Variants in EXOSC3 observed in about 807,000 individuals in gnomAD.
The protein encoded by EXOSC3 is exosome complex component RRP40.
In EXOSC3, 18 loss-of-function variants were observed where a neutral mutation model predicts 25.1. The observed-to-expected ratio is 0.72, with a 90% CI of 0.50 to 1.06. The LOEUF (loss-of-function observed/expected upper bound fraction) is 1.06, where lower values mean the gene tolerates loss of function less well. Among genes scored for constraint, EXOSC3 ranks in the 50% least tolerant of loss-of-function variants. EXOSC3 has a pLI of 0.00. For synonymous variants in EXOSC3, 165 were observed against 132.2 expected, an observed-to-expected ratio of 1.25 and a Z score of -1.70; for missense variants, 382 against 350.9, an observed-to-expected ratio of 1.09 and a Z score of -0.71.
chr9:37,782,891 A>G (rs749162848), intron 2 of EXOSC3, among the ~76,000 whole-genome samples: 1 of 152,234 alleles, frequency 6.6e-6, no homozygotes, highest in Non-Finnish European at 1.5e-5. Flanking sequence ...TCAAGGCTCA[A>G]TCCAGTAAGT....
intron 2 of EXOSC3, 127 bp from the exon 3 acceptor site, chr9:37,782,264 G>C: frequency 1.1e-6 from 1 of 909,684 alleles, no homozygotes; most frequent in Non-Finnish European, 1.7e-6. Flanking sequence ...CTGCACTATA[G>C]GATTCCCACA....
rs1589060903 is a variant in EXOSC3 at position 37,784,058 on chromosome 9, AACAT to A, written c.326_329del (p.Tyr109PhefsTer3). The A allele has an allele frequency of 6.2e-7, 1 of 1,605,876 alleles. No individual in the cohort carries two copies. Among genetic ancestry groups the A allele is most frequent in the Non-Finnish European group, 8.5e-7 (1 of 1,177,226 alleles). On this transcript the variant is annotated frameshift_variant and splice_region_variant, in exon 2 of 4. Transcript: ENST00000327304. LOFTEE classifies it high-confidence loss of function. ...CAATCACATGGTCTCCTTTTACTGG[AACAT>A]ACTACAAAAAGAAACAGAATGAAAA... is the stretch of plus-strand genomic sequence containing the variant.
Position 37,784,881 on chromosome 9 carries a change from A to G in EXOSC3, c.164T>C (p.Leu55Pro). Residue 55 changes from leucine (L) to proline (P), a missense_variant, in exon 1 of 4, where the codon CTG (leucine) becomes CCG (proline). Coordinates refer to ENST00000327304, the MANE Select transcript of EXOSC3 (RefSeq NM_016042.4). ...PGGAVERPLS[L>P]NARACSRVRV... Reference sequence around the variant, plus strand: ...CACCCGCGAGCACGCTCTAGCATTCAGGCTCAACGGTCGCTCCACTGCACC... The same window carrying G: ...CACCCGCGAGCACGCTCTAGCATTCGGGCTCAACGGTCGCTCCACTGCACC... 1 of 1,606,730 alleles carries G rather than the reference A, an allele frequency of 6.2e-7. No individual in the cohort carries two copies. Among genetic ancestry groups the G allele is most frequent in the Admixed American group, 1.7e-5 (1 of 59,044 alleles).
Position 37,782,097 on chromosome 9 carries a change from T to G in EXOSC3, c.515A>C (p.Lys172Thr). 1 of 1,614,122 alleles carries G rather than the reference T, an allele frequency of 6.2e-7. No individual in the cohort carries two copies. Residue 172 changes from lysine to threonine, a missense_variant, in exon 3 of 4, where the codon AAA becomes ACA. Coordinates refer to ENST00000327304, the MANE Select transcript of EXOSC3 (RefSeq NM_016042.4). Reference sequence around the variant, plus strand: ...ACAGACCATCTCTGGTTCCATGTCTTTATTAGCAACCACAAACTGGCCATA... The same window carrying G: ...ACAGACCATCTCTGGTTCCATGTCTGTATTAGCAACCACAAACTGGCCATA... ...LIYGQFVVAN[K>T]DMEPEMVCID...
chr9:37,783,172 A>C (rs1828632786), intron 2 of EXOSC3, among the ~76,000 whole-genome samples: 1 of 152,132 alleles, frequency 6.6e-6, no homozygotes, highest in Non-Finnish European at 1.5e-5. Flanking sequence ...GATTTTGGAG[A>C]ATCTTGTCTT....
In EXOSC3 at chr9:37,780,706, C is replaced by CTGTT; in HGVS notation, c.797_800dup (p.Ile268ThrfsTer12). 1.5e-5 allele frequency: 25 copies of CTGTT among 1,613,778 alleles called. No individual in the cohort carries two copies. The highest frequency in any genetic ancestry group is 2.1e-5 in the Non-Finnish European group (25 of 1,179,870). On this transcript the variant is annotated frameshift_variant, in exon 4 of 4. Transcript: ENST00000327304. LOFTEE classifies it high-confidence loss of function. ...AACTTTCTGCCAATCTGGAGAAGAT[C>CTGTT]TGTTTTCTTTGATCTGACGTCATGT... is the stretch of plus-strand genomic sequence containing the variant.
intron 1 of EXOSC3, 100 bp downstream of exon 1, chr9:37,784,621 C>T: frequency 1.5e-6 from 2 of 1,334,614 alleles, no homozygotes; most frequent in Non-Finnish European, 2.0e-6. Flanking sequence ...TTTGCCTGAA[C>T]AAAAGAGGGC....
At position 37,780,806 on chromosome 9, in the gene EXOSC3, T is replaced by C; in HGVS notation, c.701A>G (p.Asn234Ser). 1 of 1,613,984 alleles carries C rather than the reference T, an allele frequency of 6.2e-7. No homozygotes were observed. The highest frequency in any genetic ancestry group is 8.5e-7 in the Non-Finnish European group (1 of 1,179,930). Residue 234 changes from asparagine (N) to serine (S), a missense_variant, in exon 4 of 4, where the codon AAT (asparagine) becomes AGT (serine). By Grantham distance (46) the Asn-to-Ser change is conservative. Transcript: ENST00000327304. Reference protein sequence around the residue: ...LYPLEIVFGMNGRIWVKAKTI... With the variant: ...LYPLEIVFGMSGRIWVKAKTI... Reference sequence around the variant, plus strand: ...TTTTGCCTTAACCCATATTCTTCCATTCATTCCAAATACTATCTCCAGTGG... The same window carrying C: ...TTTTGCCTTAACCCATATTCTTCCACTCATTCCAAATACTATCTCCAGTGG...
At chr9:37,782,176 A>G (rs1828611180) in intron 2 of EXOSC3, 39 bp from the exon 3 acceptor site, 1 of 1,608,860 alleles carries the variant, frequency 6.2e-7, no homozygotes, top group Non-Finnish European at 8.5e-7. Flanking sequence ...TCCTCTCAGC[A>G]AACTACAGGT....
In EXOSC3 at chr9:37,784,027, C is replaced by T. The variant is rs145622193; in HGVS notation, c.361G>A (p.Val121Met). The change falls in exon 2 of 4, where the codon GTG becomes ATG. Residue 121 changes from valine to methionine, a missense_variant. Transcript: ENST00000327304. ...PVKGDHVIGI[V>M]TAKSGDIFKV... ...AATATATCTCCAGATTTAGCTGTCA[C>T]TATGCCAATCACATGGTCTCCTTTT... is the stretch of plus-strand genomic sequence containing the variant. 36 of 1,613,428 alleles carry T rather than the reference C, an allele frequency of 2.2e-5. No individual in the cohort carries two copies. The highest frequency in any genetic ancestry group is 1.6e-4 in the Middle Eastern group (1 of 6,078).
At chr9:37,782,604 G>A (rs1204565958) in intron 2 of EXOSC3, among the ~76,000 whole-genome samples, 2 of 152,166 alleles carry the variant, frequency 1.3e-5, no homozygotes, top group Non-Finnish European at 2.9e-5. Flanking sequence ...GAGAAAGGAA[G>A]GAACTCCGGC....
Position 37,780,255 on chromosome 9 carries a change from T to G in EXOSC3, c.*424A>C, listed in dbSNP as rs1225122188. Reference sequence around the variant, plus strand: ...ACAATACTTGGTAAATGAAAAAGTATTTCGTTGTTATATACTCACCCGCTG... The same window carrying G: ...ACAATACTTGGTAAATGAAAAAGTAGTTCGTTGTTATATACTCACCCGCTG... On this transcript the variant is annotated 3_prime_UTR_variant, in exon 4 of 4. Coordinates refer to ENST00000327304, the MANE Select transcript of EXOSC3 (RefSeq NM_016042.4). 6.2e-6 allele frequency: 1 copy of G among 162,416 alleles called. No homozygotes were observed. The highest frequency in any genetic ancestry group is 2.4e-5 in the African/African-American group (1 of 41,532). The allele number at this position is 162,416 out of a possible 1,614,324, so 10.1% of individuals were successfully genotyped here.
intron 2 of EXOSC3, 135 bp downstream of exon 2, chr9:37,783,779 G>A: frequency 1.3e-6 from 1 of 794,300 alleles, no homozygotes; most frequent in Non-Finnish European, 1.8e-6. Flanking sequence ...AGAAACTCTT[G>A]GAGCCTGGGG....
Position 37,783,985 on chromosome 9 carries a change from C to T in EXOSC3, c.403G>A (p.Gly135Arg), listed in dbSNP as rs1828647523. Residue 135 changes from glycine to arginine, a missense_variant, in exon 2 of 4, where the codon GGG becomes AGG. Physicochemically the swap from Gly to Arg is moderately radical, Grantham distance 125. Transcript: ENST00000327304. ...SGDIFKVDVGGSEPASLSYLS... is the reference protein window; with the variant it reads ...SGDIFKVDVGRSEPASLSYLS... Reference sequence around the variant, plus strand: ...TAAGACAAAGAAGCTGGCTCACTCCCTCCAACATCAACTTTGAATATATCT... The same window carrying T: ...TAAGACAAAGAAGCTGGCTCACTCCTTCCAACATCAACTTTGAATATATCT... 5.6e-6 allele frequency: 9 copies of T among 1,614,070 alleles called. No individual in the cohort carries two copies. Among genetic ancestry groups the T allele is most frequent in the Non-Finnish European group, 6.8e-6 (8 of 1,180,000 alleles).
chr9:37,780,616 A>G lies in EXOSC3; in HGVS notation c.*63T>C. ...TATCTTCTGAGTATTTAAATGGGGG[A>G]GGTTCACCTGAAAAAACCCATAGTT... is the stretch of plus-strand genomic sequence containing the variant. On this transcript the variant is annotated 3_prime_UTR_variant, in exon 4 of 4. Coordinates refer to ENST00000327304, the MANE Select transcript of EXOSC3 (RefSeq NM_016042.4). 18 of 1,238,662 alleles carry G rather than the reference A, an allele frequency of 1.5e-5. No homozygotes were observed. The highest frequency in any genetic ancestry group is 3.6e-5 in the Admixed American group (2 of 56,074). The allele number at this position is 1,238,662 out of a possible 1,614,324, so 76.7% of individuals were successfully genotyped here. A position where few individuals can be genotyped will look rare whatever the true frequency, so the allele number is the denominator to read the frequency against.
At chr9:37,783,063 G>A (rs570898670) in intron 2 of EXOSC3, among the ~76,000 whole-genome samples, 3 of 152,328 alleles carry the variant, frequency 2.0e-5, no homozygotes, top group Non-Finnish European at 1.5e-5. Flanking sequence ...GCAGGAAATT[G>A]AGTTTAATGG....
chr9:37,781,872 T>A, intron 3 of EXOSC3, 114 bp downstream of exon 3: 2 of 1,182,504 alleles, frequency 1.7e-6, no homozygotes, highest in Non-Finnish European at 2.4e-6. Context: ...TACTGATTTC[T>A]AACTCTGAGG....
Position 37,782,040 on chromosome 9 carries a change from C to T in EXOSC3, c.572G>A (p.Gly191Asp), listed in dbSNP as rs797045567. The change falls in exon 3 of 4, where the codon GGT becomes GAT. Residue 191 changes from glycine (G) to aspartate (D), a missense_variant. Physicochemically the swap from Gly to Asp is moderately conservative, Grantham distance 94. Transcript: ENST00000327304. ...IDSCGRANGM[G>D]VIGQDGLLFK... is the part of the protein sequence containing the mutation. ...AAGCAGACCATCCTGTCCAATGACA[C>T]CCATTCCATTGGCTCGTCCACAGCT... 1.4e-5 allele frequency: 23 copies of T among 1,614,032 alleles called. No homozygotes were observed. Among genetic ancestry groups the T allele is most frequent in the Non-Finnish European group, 1.9e-5 (23 of 1,179,874 alleles).
In EXOSC3 at chr9:37,785,018, A is replaced by T; in HGVS notation, c.27T>A (p.Ala9=). 6.2e-7 allele frequency: 1 copy of T among 1,601,036 alleles called. No homozygotes were observed. The highest frequency in any genetic ancestry group is 8.5e-7 in the Non-Finnish European group (1 of 1,171,836). The change falls in exon 1 of 4, where the codon GCT becomes GCA. Residue 9 remains alanine (A), a synonymous_variant. Coordinates refer to ENST00000327304, the MANE Select transcript of EXOSC3 (RefSeq NM_016042.4). ...GCGCCCTGCTGCCCGCGAGAGATTC[A>T]GCCGCGACAGACGCAGGTTCGGCCA... is the stretch of plus-strand genomic sequence containing the variant. MAEPASVA[A]ESLAGSRARA... is the part of the protein sequence containing the mutation.
Sources: gnomAD v4.1 joint callset for allele counts (sites outside exome capture counted in the v4.1 genomes callset) on GRCh38, gnomAD v4.1.1 for gene constraint, MANE v1.5 for transcripts, NCBI Gene and HGNC (gene_info 2026-07-23, HGNC 2026-07-21) for gene names.